ALCAM: variants seen among roughly 807,000 people sequenced by gnomAD.
ALCAM encodes CD166 antigen.
In ALCAM, 30 loss-of-function variants were observed where a neutral mutation model predicts 70.9. That is an observed-to-expected ratio of 0.42 (90% CI 0.32 to 0.57). The LOEUF (loss-of-function observed/expected upper bound fraction) is 0.57, where lower values mean the gene tolerates loss of function less well. ALCAM is among the 20% of genes least tolerant of loss of function. The probability of loss-of-function intolerance (pLI) is 0.11; values close to 1 mark genes in which losing one functional copy is unlikely to be tolerated. For synonymous variants in ALCAM, 249 were observed against 242.5 expected (o/e 1.03, Z -0.25); for missense variants, 591 against 695.1 (o/e 0.85, Z 1.68).
At position 105,379,584 on chromosome 3, in the gene ALCAM, T is replaced by C. The variant is rs1935464544; in HGVS notation, c.73+12103T>C. 2.0e-5 allele frequency among the ~76,000 whole-genome samples: 3 copies of C among 151,918 alleles called. No homozygotes were observed. In the South Asian group the frequency reaches 6.2e-4, roughly 32 times the overall value. On this transcript the variant is annotated intron_variant, in intron 1 of 15. Transcript: ENST00000306107. ...TATGTGTTTCTGTAATTTGAAAATA[T>C]TAGAACTTAGAAAGAAAAATTTCCG...
intron 1 of ALCAM, among the ~76,000 whole-genome samples, chr3:105,467,918 A>G (rs922614366): frequency 2.6e-5 from 4 of 151,276 alleles, no homozygotes; most frequent in African/African-American, 9.7e-5. Flanking sequence ...TCTCATGTTC[A>G]GTATTTCAGT....
At chr3:105,478,783 G>T (rs1938190487) in intron 1 of ALCAM, among the ~76,000 whole-genome samples, 1 of 152,098 alleles carries the variant, frequency 6.6e-6, no homozygotes, top group South Asian at 2.1e-4. Context: ...ATAATAAAAA[G>T]AAAAGGTTTT....
intron 1 of ALCAM, among the ~76,000 whole-genome samples, chr3:105,446,309 C>A (rs1937296222): frequency 6.6e-6 from 1 of 151,812 alleles, no homozygotes; most frequent in East Asian, 1.9e-4. Flanking sequence ...ACTGTTATCA[C>A]AAAGACAAAA....
intron 1 of ALCAM, among the ~76,000 whole-genome samples, chr3:105,442,410 C>G (rs940990478): frequency 6.6e-6 from 1 of 151,928 alleles, no homozygotes. Flanking sequence ...CAGTTTGTTT[C>G]TTAGGATAAG....
At chr3:105,500,190 A>C (rs1398147471) in intron 1 of ALCAM, among the ~76,000 whole-genome samples, 1 of 148,316 alleles carries the variant, frequency 6.7e-6, no homozygotes, top group Non-Finnish European at 1.5e-5. Flanking sequence ...CAATACAAAA[A>C]CTCACAAAAA....
chr3:105,550,116 T>A lies in ALCAM; in HGVS notation c.1375-11T>A, dbSNP rs201187277. On this transcript the variant is annotated splice_polypyrimidine_tract_variant and intron_variant, in intron 11 of 15. Transcript: ENST00000306107. ...TGATTTCTAAACCCACCTTTTTTCT[T>A]CTTTTTCCAGACAGAGGAATCTCCT... 1.5e-5 allele frequency: 24 copies of A among 1,573,656 alleles called. No homozygotes were observed. The highest frequency in any genetic ancestry group is 1.9e-5 in the Non-Finnish European group (22 of 1,153,422).
At chr3:105,415,693 G>A (rs1478276916) in intron 1 of ALCAM, among the ~76,000 whole-genome samples, 2 of 151,892 alleles carry the variant, frequency 1.3e-5, no homozygotes, top group East Asian at 3.9e-4. Context: ...TTCTTTCTGT[G>A]CCCTCTTTCT....
intron 1 of ALCAM, among the ~76,000 whole-genome samples, chr3:105,439,938 A>G (rs1937135496): frequency 6.6e-6 from 1 of 152,244 alleles, no homozygotes; most frequent in Non-Finnish European, 1.5e-5. Flanking sequence ...AAGTGTGCTT[A>G]TAGAGATATT....
rs191774794 is a variant in ALCAM, at chr3:105,524,383, T to C, written c.269T>C (p.Leu90Ser). 5.5e-5 allele frequency: 89 copies of C among 1,614,148 alleles called. No individual in the cohort carries two copies. The highest frequency in any genetic ancestry group is 4.9e-4 in the Middle Eastern group (3 of 6,062). Residue 90 changes from leucine (L) to serine (S), a missense_variant, in exon 3 of 16, where the codon TTG becomes TCG. This residue lies in a region of ALCAM where 427 missense variants were observed against 450.4 expected (regional missense o/e 0.95). Coordinates refer to ENST00000306107, the MANE Select transcript of ALCAM (RefSeq NM_001627.4). ...GATGTACCAGAATACAAAGACAGAT[T>C]GAACCTCTCAGAAAACTACACTTTG... ...YDDVPEYKDR[L>S]NLSENYTLSI...
chr3:105,416,587 C>T (rs1037283148), intron 1 of ALCAM, among the ~76,000 whole-genome samples: 14 of 151,852 alleles, frequency 9.2e-5, no homozygotes, highest in African/African-American at 2.7e-4. Flanking sequence ...GCAATTGCTC[C>T]GTATTGCTCC....
At chr3:105,452,734 C>G (rs2152592096) in intron 1 of ALCAM, among the ~76,000 whole-genome samples, 1 of 152,282 alleles carries the variant, frequency 6.6e-6, no homozygotes, top group Admixed American at 6.5e-5. Flanking sequence ...TCACCAATAT[C>G]CACTGTTTCC....
At chr3:105,427,566 A>G (rs926031105) in intron 1 of ALCAM, among the ~76,000 whole-genome samples, 6 of 151,828 alleles carry the variant, frequency 4.0e-5, no homozygotes, top group Non-Finnish European at 8.8e-5. Context: ...TTCAGTATCC[A>G]CTGTGTTCTT....
intron 1 of ALCAM, among the ~76,000 whole-genome samples, chr3:105,482,066 A>C (rs950270647): frequency 6.6e-6 from 1 of 152,148 alleles, no homozygotes. Flanking sequence ...GAGCCAAGAA[A>C]TATTATTTGA....
chr3:105,421,688 A>C (rs544930212), intron 1 of ALCAM, among the ~76,000 whole-genome samples: 2 of 151,616 alleles, frequency 1.3e-5, no homozygotes, highest in South Asian at 4.1e-4. Context: ...CTCAAGAAGA[A>C]GCACTGTAGT....
At chr3:105,502,870 C>T (rs754076551) in intron 1 of ALCAM, among the ~76,000 whole-genome samples, 1 of 152,208 alleles carries the variant, frequency 6.6e-6, no homozygotes. Flanking sequence ...ATCTACTCAT[C>T]AGTGTTTTCA....
intron 3 of ALCAM, among the ~76,000 whole-genome samples, 193 bp from the exon 4 acceptor site, chr3:105,531,809 T>C (rs566264966): frequency 5.9e-4 from 90 of 152,316 alleles, no homozygotes; most frequent in South Asian, 2.7e-3. Flanking sequence ...CTGAAAATAA[T>C]ATTTAAGATA....
chr3:105,514,279 G>A (rs955822862), intron 1 of ALCAM, among the ~76,000 whole-genome samples: 3 of 151,866 alleles, frequency 2.0e-5, no homozygotes, highest in African/African-American at 4.8e-5. Context: ...TGAATGATTC[G>A]ATGATTTTTG....
chr3:105,434,632 T>C (rs1937010972), intron 1 of ALCAM, among the ~76,000 whole-genome samples: 1 of 152,086 alleles, frequency 6.6e-6, no homozygotes, highest in Non-Finnish European at 1.5e-5. Flanking sequence ...CTGTTCTTAC[T>C]GGTAAGTAGG....
intron 1 of ALCAM, among the ~76,000 whole-genome samples, chr3:105,449,680 C>A (rs542334735): frequency 2.0e-5 from 3 of 152,238 alleles, no homozygotes; most frequent in Admixed American, 1.3e-4. Flanking sequence ...AGGAACTGTG[C>A]CACGTAAAGA....
Sources: allele counts gnomAD v4.1 joint callset (sites outside exome capture counted in the v4.1 genomes callset), GRCh38; gene constraint gnomAD v4.1.1; regional missense constraint gnomAD v4.1.1; transcripts MANE v1.5; gene names NCBI Gene and HGNC (gene_info 2026-07-23, HGNC 2026-07-21).